SCAI: variants seen among roughly 807,000 people sequenced by gnomAD.
SCAI encodes the protein protein SCAI.
SCAI carries 24 observed loss-of-function variants against 92.2 expected under a neutral mutation model. The ratio of observed to expected loss-of-function variants is 0.26; its 90% CI spans 0.19 to 0.37. SCAI has a LOEUF of 0.37. Ranked by LOEUF, SCAI falls within the 10% of genes least tolerant of loss-of-function variation. SCAI has a pLI of 1.00. For synonymous variants in SCAI, 261 were observed against 258.6 expected, an observed-to-expected ratio of 1.01 and a Z score of -0.09; for missense variants, 450 against 736.2, an observed-to-expected ratio of 0.61 and a Z score of 4.50.
chr9:124,976,221 G>T, intron 14 of SCAI, 35 bp from the exon 15 acceptor site: 3 of 1,411,996 alleles, frequency 2.1e-6, no homozygotes, highest in Non-Finnish European at 3.0e-6. Flanking sequence ...TTGCATTAAA[G>T]ATTTGACCAA....
At chr9:124,971,293 A>G in intron 17 of SCAI, 77 bp downstream of exon 17, 1 of 713,380 alleles carries the variant, frequency 1.4e-6, no homozygotes, top group Non-Finnish European at 2.3e-6. Context: ...ACCTTATTTT[A>G]TACAGGTAAA....
rs375695549 is a variant in SCAI at position 124,995,047 on chromosome 9, T to C, written c.1245-32A>G. 3.1e-5 allele frequency: 46 copies of C among 1,490,358 alleles called. No homozygotes were observed. The African/African-American group carries it at 5.5e-4, about 18-fold the overall frequency. 92.3% of individuals were successfully genotyped at this position (1,490,358 alleles called of 1,614,324 possible). ...AAACAACAACGAAGAACTGTTAAAC[T>C]GTGTCAGCCACATCTCAGAAATCTT... is the stretch of plus-strand genomic sequence containing the variant. On this transcript the variant is annotated intron_variant, in intron 13 of 17. Transcript: ENST00000336505.
intron 2 of SCAI, among the ~76,000 whole-genome samples, chr9:125,109,081 CAT>C (rs1365092150): frequency 6.6e-6 from 1 of 152,226 alleles, no homozygotes; most frequent in Non-Finnish European, 1.5e-5. Flanking sequence ...CTCTCTGAAA[CAT>C]GTGCTGTGTC....
chr9:125,105,627 T>A (rs1014544676), intron 2 of SCAI, among the ~76,000 whole-genome samples: 1 of 152,194 alleles, frequency 6.6e-6, no homozygotes, highest in Non-Finnish European at 1.5e-5. Flanking sequence ...ATTTTAGGAA[T>A]AAAGAGAACC....
intron 14 of SCAI, among the ~76,000 whole-genome samples, chr9:124,985,377 G>A (rs1831967583): frequency 6.6e-6 from 1 of 152,106 alleles, no homozygotes; most frequent in South Asian, 2.1e-4. Flanking sequence ...TCCCAAACTG[G>A]TAGTGCCTCT....
chr9:125,132,511 T>G (rs1399201520), intron 2 of SCAI, among the ~76,000 whole-genome samples: 1 of 152,186 alleles, frequency 6.6e-6, no homozygotes, highest in Non-Finnish European at 1.5e-5. Flanking sequence ...TGCTTTAAAA[T>G]CTATACCTGA....
At chr9:125,042,882 TTTTTTTG>T (rs1238607402) in intron 3 of SCAI, among the ~76,000 whole-genome samples, 8 of 129,718 alleles carry the variant, frequency 6.2e-5, no homozygotes, top group African/African-American at 2.4e-4. Context: ...TTTTTTTTTT[TTTTTTTG>T]ACAGAGTCTC....
intron 2 of SCAI, among the ~76,000 whole-genome samples, chr9:125,097,630 T>C (rs1057488530): frequency 1.3e-5 from 2 of 151,742 alleles, no homozygotes; most frequent in Non-Finnish European, 2.9e-5. Context: ...AGGATAGTCT[T>C]ACAGTTTTGT....
intron 2 of SCAI, among the ~76,000 whole-genome samples, chr9:125,069,586 G>A (rs1419317909): frequency 3.3e-5 from 5 of 149,546 alleles, no homozygotes; most frequent in Admixed American, 6.7e-5. Context: ...CCAAAGTGCT[G>A]GGATTACAGG....
intron 17 of SCAI, among the ~76,000 whole-genome samples, chr9:124,957,529 A>AT (rs34588772): frequency 0.65 from 89,433 of 138,310 alleles, 29,207 homozygotes; most frequent in African/African-American, 0.75. Flanking sequence ...CACCCGGCTA[A>AT]TTTTTTTTTT....
At position 125,021,571 on chromosome 9, in the gene SCAI, C is replaced by T. The variant is rs568590940; in HGVS notation, c.513-802G>A. Among the ~76,000 whole-genome samples, 6 of 152,268 alleles carry T rather than the reference C, an allele frequency of 3.9e-5. No homozygotes were observed. In the South Asian group the frequency reaches 1.0e-3, roughly 26 times the overall value. On this transcript the variant is annotated intron_variant, in intron 6 of 17. Coordinates refer to ENST00000336505, the MANE Select transcript of SCAI (RefSeq NM_001144877.3). Reference sequence around the variant, plus strand: ...GCCCTTACAATATATTTTATCTGTTCACACATAACACTTTACACTTACCAA... The same window carrying T: ...GCCCTTACAATATATTTTATCTGTTTACACATAACACTTTACACTTACCAA...
Position 125,015,350 on chromosome 9 carries a change from AC to A in SCAI, c.861+3448del, listed in dbSNP as rs898350877. On this transcript the variant is annotated intron_variant, in intron 9 of 17. Transcript: ENST00000336505. The stretch of plus-strand genomic sequence containing the variant: ...CAAATTTACAAGAAAAAAACAAACA[AC>A]CCCATCAAAAAGCGGGTGAAGGACA... Among the ~76,000 whole-genome samples the A allele has an allele frequency of 4.1e-3, 629 of 152,186 alleles. 11 individuals carry two copies. Among genetic ancestry groups the A allele is most frequent in the African/African-American group, 0.015 (608 of 41,520 alleles).
chr9:124,988,836 T>C (rs113243596), intron 14 of SCAI, among the ~76,000 whole-genome samples: 19 of 152,272 alleles, frequency 1.2e-4, no homozygotes, highest in Non-Finnish European at 1.9e-4. Context: ...TTAAGCACCA[T>C]AGTTAAAAGT....
intron 14 of SCAI, among the ~76,000 whole-genome samples, chr9:124,978,109 C>G (rs182643860): frequency 1.3e-5 from 2 of 152,066 alleles, no homozygotes; most frequent in African/African-American, 2.4e-5. Context: ...AAGAAAATAT[C>G]TGGAACTCAC....
At chr9:125,023,964 G>C (rs765362645) in intron 6 of SCAI, among the ~76,000 whole-genome samples, 40 of 151,960 alleles carry the variant, frequency 2.6e-4, no homozygotes, top group Non-Finnish European at 1.0e-4. Flanking sequence ...AAAAGAGTGT[G>C]ACTCACTGCA....
chr9:125,047,309 T>G (rs1011410231), intron 3 of SCAI, among the ~76,000 whole-genome samples: 15 of 152,268 alleles, frequency 9.9e-5, no homozygotes, highest in African/African-American at 3.6e-4. Context: ...GAGGCATCCA[T>G]CTGCAATCCA....
chr9:124,958,799 C>T (rs1042408240), intron 17 of SCAI, among the ~76,000 whole-genome samples: 16 of 150,810 alleles, frequency 1.1e-4, no homozygotes, highest in South Asian at 6.3e-4. Flanking sequence ...ACCAGCTACT[C>T]GGGAGGCTGA....
At chr9:125,090,977 G>C (rs999769077) in intron 2 of SCAI, among the ~76,000 whole-genome samples, 3 of 152,186 alleles carry the variant, frequency 2.0e-5, no homozygotes, top group Admixed American at 6.5e-5. Flanking sequence ...AAATAGCTGG[G>C]CATGGTGGCA....
In SCAI at chr9:125,028,457, A is replaced by G; in HGVS notation, c.348T>C (p.Tyr116=). 1 of 1,596,384 alleles carries G rather than the reference A, an allele frequency of 6.3e-7. No individual in the cohort carries two copies. Among genetic ancestry groups the G allele is most frequent in the Non-Finnish European group, 8.5e-7 (1 of 1,172,890 alleles). The change falls in exon 5 of 18, where the codon TAT becomes TAC. Residue 116 remains tyrosine (Y), a synonymous_variant. Coordinates refer to ENST00000336505, the MANE Select transcript of SCAI (RefSeq NM_001144877.3). ...CTCCTATTTGCCAGCGCTTCAAGCCATACCGATTATCCAAGACTTGTCTGT... is the reference window on the plus strand; with the variant it reads ...CTCCTATTTGCCAGCGCTTCAAGCCGTACCGATTATCCAAGACTTGTCTGT... ...QQHRQVLDNR[Y]GLKRWQIGEI... is the part of the protein sequence containing the mutation.
Sources: gnomAD v4.1 joint callset for allele counts (sites outside exome capture counted in the v4.1 genomes callset) on GRCh38, gnomAD v4.1.1 for gene constraint, MANE v1.5 for transcripts, NCBI Gene and HGNC (gene_info 2026-07-23, HGNC 2026-07-21) for gene names.